ZGRF1: variants seen among roughly 807,000 people sequenced by gnomAD.
The protein encoded by ZGRF1 is zinc finger GRF-type containing 1.
A neutral mutation model predicts 203.5 loss-of-function variants in ZGRF1; 196 were observed. The observed-to-expected ratio is 0.96, with a 90% CI of 0.86 to 1.08. The LOEUF (loss-of-function observed/expected upper bound fraction) is 1.08, where lower values mean the gene tolerates loss of function less well. Among genes scored for constraint, ZGRF1 ranks in the 50% least tolerant of loss-of-function variants. The probability of loss-of-function intolerance (pLI) is 0.00; values close to 1 mark genes in which losing one functional copy is unlikely to be tolerated. For synonymous variants in ZGRF1, 809 were observed against 841.3 expected, an observed-to-expected ratio of 0.96 and a Z score of 0.66; for missense variants, 2,326 against 2,416.3, an observed-to-expected ratio of 0.96 and a Z score of 0.78.
intron 3 of ZGRF1, among the ~76,000 whole-genome samples, chr4:112,627,147 T>G (rs1236712319): frequency 6.6e-6 from 1 of 152,224 alleles, no homozygotes. Context: ...CTAAAAATCT[T>G]GATTGTTCCC....
At position 112,628,358 on chromosome 4, in the gene ZGRF1, A is replaced by G. The variant is rs190997527; in HGVS notation, c.102+3572T>C. Reference sequence around the variant, plus strand: ...ATTACTCCCCCAAAATTATACATCTAATAAGAGAAGAGCCAGAATTGAAAC... The same window carrying G: ...ATTACTCCCCCAAAATTATACATCTGATAAGAGAAGAGCCAGAATTGAAAC... On this transcript the variant is annotated intron_variant, in intron 3 of 27. Coordinates refer to ENST00000505019, the MANE Select transcript of ZGRF1 (RefSeq NM_018392.5). 5.3e-5 allele frequency among the ~76,000 whole-genome samples: 8 copies of G among 152,324 alleles called. No homozygotes were observed. The East Asian group carries it at 1.5e-3, about 29-fold the overall frequency.
At position 112,554,739 on chromosome 4, in the gene ZGRF1, C is replaced by T; in HGVS notation, c.5164G>A (p.Val1722Ile). 1 of 1,545,552 alleles carries T rather than the reference C, an allele frequency of 6.5e-7. No individual in the cohort carries two copies. ...AAAATTGGTTTGGCAATCTTCCTAA[C>T]ACTCCCAACTCTGATAAAGTTTTCA... ...GFENFIRVGS[V>I]RKIAKPILPY... The change falls in exon 21 of 28, where the codon GTT (valine) becomes ATT (isoleucine). Residue 1722 changes from valine (V) to isoleucine (I), a missense_variant. Physicochemically the swap from Val to Ile is conservative, Grantham distance 29. Transcript: ENST00000505019.
intron 8 of ZGRF1, 32 bp downstream of exon 8, chr4:112,609,347 C>T: frequency 7.2e-7 from 1 of 1,392,366 alleles, no homozygotes; most frequent in South Asian, 1.3e-5. Flanking sequence ...GCCACCATGC[C>T]CAGGGGCTAA....
chr4:112,625,654 T>C (rs545916105), intron 3 of ZGRF1, among the ~76,000 whole-genome samples: 13 of 150,452 alleles, frequency 8.6e-5, no homozygotes, highest in African/African-American at 3.2e-4. Context: ...CCCAGCACTT[T>C]GGGAGGCTGA....
rs754797491 is a variant in ZGRF1 at position 112,618,024 on chromosome 4, T to A, written c.2018A>T (p.Tyr673Phe). Reference protein sequence around the residue: ...NKPIQEVRINYDFALPPNKSK... With the variant: ...NKPIQEVRINFDFALPPNKSK... ...TTTATTCGGGGGTAAAGCAAAATCA[T>A]AGTTAATTCTGACTTCTTGAATAGG... Residue 673 changes from tyrosine (Y) to phenylalanine (F), a missense_variant, in exon 6 of 28, where the codon TAT becomes TTT. Coordinates refer to ENST00000505019, the MANE Select transcript of ZGRF1 (RefSeq NM_018392.5). 1 of 1,612,852 alleles carries A rather than the reference T, an allele frequency of 6.2e-7. No individual in the cohort carries two copies. Among genetic ancestry groups the A allele is most frequent in the Non-Finnish European group, 8.5e-7 (1 of 1,179,708 alleles).
At chr4:112,612,726 A>G in intron 6 of ZGRF1, 138 bp from the exon 7 acceptor site, 2 of 564,320 alleles carry the variant, frequency 3.5e-6, no homozygotes, top group Admixed American at 3.2e-5. Context: ...TCAATCTGGA[A>G]TGTAGCACTT....
At chr4:112,633,369 A>C in intron 1 of ZGRF1, 127 bp from the exon 2 acceptor site, 1 of 576,492 alleles carries the variant, frequency 1.7e-6, no homozygotes, top group Admixed American at 3.3e-5. Flanking sequence ...CTACCAAGGG[A>C]AACAGAGGTG....
At chr4:112,621,321 T>C (rs1258449125) in intron 4 of ZGRF1, among the ~76,000 whole-genome samples, 3 of 151,588 alleles carry the variant, frequency 2.0e-5, no homozygotes, top group Non-Finnish European at 4.4e-5. Flanking sequence ...AATGAGCAAA[T>C]GTAGTACTTG....
chr4:112,553,765 A>G, intron 22 of ZGRF1, 70 bp downstream of exon 22: 2 of 1,326,284 alleles, frequency 1.5e-6, no homozygotes, highest in Non-Finnish European at 2.1e-6. Context: ...ATATTATTTC[A>G]TCAACAGAAA....
chr4:112,600,500 T>C (rs972745586), intron 10 of ZGRF1, among the ~76,000 whole-genome samples: 2 of 152,114 alleles, frequency 1.3e-5, no homozygotes, highest in African/African-American at 4.8e-5. Flanking sequence ...GAGTCCTGCC[T>C]GGCCAACATG....
At chr4:112,563,506 T>A (rs1188855867) in intron 16 of ZGRF1, among the ~76,000 whole-genome samples, 1 of 152,076 alleles carries the variant, frequency 6.6e-6, no homozygotes, top group Admixed American at 6.6e-5. Context: ...ACAGTACCAC[T>A]TGAATCACAC....
chr4:112,604,978 T>A (rs1750553981), intron 9 of ZGRF1, among the ~76,000 whole-genome samples: 1 of 152,214 alleles, frequency 6.6e-6, no homozygotes, highest in African/African-American at 2.4e-5. Context: ...ATCACACATT[T>A]GAAAGAAAAA....
In ZGRF1 at chr4:112,563,134, T is replaced by C; in HGVS notation, c.4579A>G (p.Asn1527Asp). Residue 1527 changes from asparagine (N) to aspartate (D), a missense_variant, in exon 17 of 28, where the codon AAC becomes GAC. Physicochemically the swap from Asn to Asp is conservative, Grantham distance 23. Transcript: ENST00000505019. ...AAATGAGCATAGTAATACTCACTGT[T>C]AGTGGGCCAATTAGAAGGGAAATAG... Reference protein sequence around the residue: ...KGYFPSNWPTNMVVHALLVCN... With the variant: ...KGYFPSNWPTDMVVHALLVCN... The C allele has an allele frequency of 6.5e-7, 1 of 1,547,850 alleles. No individual in the cohort carries two copies. The highest frequency in any genetic ancestry group is 1.2e-5 in the South Asian group (1 of 83,822).
At chr4:112,619,977 T>G (rs1269815774) in intron 5 of ZGRF1, 25 bp downstream of exon 5, 7 of 1,513,476 alleles carry the variant, frequency 4.6e-6, no homozygotes, top group African/African-American at 1.4e-5. Context: ...TATTTTGATA[T>G]ATTATTTTCC....
At chr4:112,548,112 T>C (rs1250584090) in intron 23 of ZGRF1, 141 bp downstream of exon 23, 1 of 674,476 alleles carries the variant, frequency 1.5e-6, no homozygotes, top group Non-Finnish European at 2.4e-6. Context: ...CAGCTAATTT[T>C]GTATTTTTTG....
chr4:112,630,094 T>C (rs2047358506), intron 3 of ZGRF1: 1 of 155,690 alleles, frequency 6.4e-6, no homozygotes, highest in East Asian at 1.9e-4. Context: ...CTACTGAAAG[T>C]AACTGTTTAA....
In ZGRF1 at chr4:112,619,249, T is replaced by C; in HGVS notation, c.793A>G (p.Ser265Gly). 1 of 1,613,316 alleles carries C rather than the reference T, an allele frequency of 6.2e-7. No individual in the cohort carries two copies. The highest frequency in any genetic ancestry group is 1.7e-4 in the Middle Eastern group (1 of 6,060). Residue 265 changes from serine (S) to glycine (G), a missense_variant, in exon 6 of 28, where the codon AGT (serine) becomes GGT (glycine). Ser to Gly is a moderately conservative substitution (Grantham distance 56, BLOSUM62 0). Coordinates refer to ENST00000505019, the MANE Select transcript of ZGRF1 (RefSeq NM_018392.5). ...ILALLKSESS[S>G]SCEELNSEMT... ...TCAGAATTTAGTTCCTCACATGAAC[T>C]AGATGATTCGGACTTCAGAAGAGCT... is the stretch of plus-strand genomic sequence containing the variant.
intron 3 of ZGRF1, 44 bp from the exon 4 acceptor site, chr4:112,623,920 A>T: frequency 9.9e-7 from 1 of 1,012,658 alleles, no homozygotes; most frequent in Non-Finnish European, 1.5e-6. Context: ...CAACACAATT[A>T]TGCTTTTCTT....
At chr4:112,624,669 G>A (rs905577443) in intron 3 of ZGRF1, among the ~76,000 whole-genome samples, 52 of 152,016 alleles carry the variant, frequency 3.4e-4, no homozygotes, top group African/African-American at 1.2e-3. Context: ...GGTAAGGGGG[G>A]AAAAAGGATG....
Sources: gnomAD v4.1 joint callset for allele counts (sites outside exome capture counted in the v4.1 genomes callset) on GRCh38, gnomAD v4.1.1 for gene constraint, MANE v1.5 for transcripts, NCBI Gene and HGNC (gene_info 2026-07-23, HGNC 2026-07-21) for gene names.